Variants in AKAP6 observed in about 807,000 individuals in gnomAD.
AKAP6 encodes the protein A-kinase anchor protein 6.
Under a neutral mutation model 188.5 loss-of-function variants are expected in AKAP6, and 58 were observed. The ratio of observed to expected loss-of-function variants is 0.31; its 90% CI spans 0.25 to 0.38. AKAP6 has a LOEUF of 0.38. AKAP6 is among the 10% of genes least tolerant of loss of function. The pLI is 1.00. For missense variants in AKAP6, 2,710 were observed against 2,740.0 expected, an observed-to-expected ratio of 0.99 and a Z score of 0.24; for synonymous variants, 989 against 998.6, an observed-to-expected ratio of 0.99 and a Z score of 0.18.
intron 7 of AKAP6, among the ~76,000 whole-genome samples, chr14:32,649,551 T>G (rs1001710197): frequency 1.1e-4 from 16 of 152,196 alleles, no homozygotes; most frequent in Non-Finnish European, 1.2e-4. Flanking sequence ...CAATGTAATT[T>G]TGTTGTTATT....
chr14:32,575,636 A>G (rs1334239801), intron 4 of AKAP6, among the ~76,000 whole-genome samples: 1 of 152,186 alleles, frequency 6.6e-6, no homozygotes, highest in African/African-American at 2.4e-5. Flanking sequence ...TAGATTTTTG[A>G]AAGAATATAA....
rs554702081 is a variant in AKAP6, at chr14:32,509,039, G to A, written c.325-26515G>A. ...GAGTTTCACCATGTTGGCCAGGATG[G>A]TCTTGATCTCTTGACCTTGTGATCC... On this transcript the variant is annotated intron_variant, in intron 2 of 13. Transcript: ENST00000280979. Among the ~76,000 whole-genome samples the A allele has an allele frequency of 4.6e-5, 7 of 150,960 alleles. No homozygotes were observed. The South Asian group carries it at 1.3e-3, about 27-fold the overall frequency.
intron 1 of AKAP6, among the ~76,000 whole-genome samples, chr14:32,351,682 G>T (rs1887276243): frequency 6.6e-6 from 1 of 152,096 alleles, no homozygotes; most frequent in African/African-American, 2.4e-5. Context: ...AATTATGAAA[G>T]ATGTTGCTGG....
intron 8 of AKAP6, among the ~76,000 whole-genome samples, chr14:32,682,274 T>G (rs1302490769): frequency 6.6e-6 from 1 of 152,218 alleles, no homozygotes; most frequent in Non-Finnish European, 1.5e-5. Context: ...GTCTCTGCCT[T>G]CATTGAATTT....
intron 2 of AKAP6, among the ~76,000 whole-genome samples, chr14:32,532,334 G>A (rs1195650234): frequency 1.3e-5 from 2 of 152,132 alleles, no homozygotes; most frequent in Admixed American, 6.6e-5. Flanking sequence ...CCCCTTAGGG[G>A]TCCATCTGCT....
intron 7 of AKAP6, among the ~76,000 whole-genome samples, chr14:32,618,671 C>G (rs1488711404): frequency 2.6e-5 from 4 of 152,114 alleles, no homozygotes; most frequent in Admixed American, 2.0e-4. Context: ...ATGCAGCTGT[C>G]TTTTTGATAT....
intron 13 of AKAP6, among the ~76,000 whole-genome samples, chr14:32,829,632 AT>A (rs1271750084): frequency 1.3e-5 from 2 of 151,588 alleles, no homozygotes; most frequent in Non-Finnish European, 2.9e-5. Context: ...AAAAAAAAAA[AT>A]CAATGTATTT....
At chr14:32,670,842 A>G (rs1363973822) in intron 7 of AKAP6, among the ~76,000 whole-genome samples, 1 of 152,196 alleles carries the variant, frequency 6.6e-6, no homozygotes, top group Non-Finnish European at 1.5e-5. Context: ...CAATTTTTAA[A>G]ATGAAGCTGA....
At chr14:32,504,704 C>G (rs1027894358) in intron 2 of AKAP6, among the ~76,000 whole-genome samples, 2 of 152,178 alleles carry the variant, frequency 1.3e-5, no homozygotes, top group African/African-American at 4.8e-5. Context: ...GGTAGGCTTA[C>G]CTTTTTCTTC....
At chr14:32,354,919 A>T (rs993670506) in intron 1 of AKAP6, among the ~76,000 whole-genome samples, 13 of 152,172 alleles carry the variant, frequency 8.5e-5, no homozygotes, top group Admixed American at 8.5e-4. Context: ...ACTAACTGTC[A>T]GTTCAGTTCA....
At chr14:32,365,844 C>T (rs1259149201) in intron 1 of AKAP6, among the ~76,000 whole-genome samples, 3 of 152,130 alleles carry the variant, frequency 2.0e-5, no homozygotes, top group Non-Finnish European at 4.4e-5. Context: ...CCTGGCTGGC[C>T]CAGACTTGCT....
At chr14:32,766,086 C>T (rs954001079) in intron 11 of AKAP6, among the ~76,000 whole-genome samples, 5 of 152,114 alleles carry the variant, frequency 3.3e-5, no homozygotes, top group African/African-American at 7.2e-5. Flanking sequence ...CTATTCTGGA[C>T]ATTTCATATA....
chr14:32,572,436 A>G (rs1884534272), intron 4 of AKAP6, among the ~76,000 whole-genome samples: 1 of 152,188 alleles, frequency 6.6e-6, no homozygotes, highest in South Asian at 2.1e-4. Flanking sequence ...GTTTTCCATT[A>G]TGTGGCTGTT....
chr14:32,570,872 C>A (rs1419758321), intron 4 of AKAP6, among the ~76,000 whole-genome samples: 1 of 152,168 alleles, frequency 6.6e-6, no homozygotes, highest in African/African-American at 2.4e-5. Context: ...TCTTCTGATT[C>A]CTGCAAGTGT....
In AKAP6 at chr14:32,575,536, C is replaced by A. The variant is rs573742365; in HGVS notation, c.2347-1584C>A. Among the ~76,000 whole-genome samples the A allele has an allele frequency of 9.2e-5, 14 of 152,110 alleles. No individual in the cohort carries two copies. In the South Asian group the frequency reaches 2.9e-3, roughly 32 times the overall value. On this transcript the variant is annotated intron_variant, in intron 4 of 13. Coordinates refer to ENST00000280979, the MANE Select transcript of AKAP6 (RefSeq NM_004274.5). The stretch of plus-strand genomic sequence containing the variant: ...AACTACCATATAGTTCCCAGCTCAG[C>A]CAATTGCAATTGTGTAGGTCTCAGT...
chr14:32,552,128 C>G (rs1030308058), intron 4 of AKAP6, among the ~76,000 whole-genome samples: 4 of 152,158 alleles, frequency 2.6e-5, no homozygotes, highest in African/African-American at 9.7e-5. Context: ...ACAGTAATTG[C>G]TCGATAAAGA....
chr14:32,790,230 C>A (rs911897397), intron 12 of AKAP6, among the ~76,000 whole-genome samples: 8 of 152,098 alleles, frequency 5.3e-5, no homozygotes, highest in Non-Finnish European at 1.0e-4. Context: ...TGTAAAGAGA[C>A]TGAATCTACA....
intron 1 of AKAP6, among the ~76,000 whole-genome samples, chr14:32,400,778 A>C (rs1594578635): frequency 6.6e-6 from 1 of 151,218 alleles, no homozygotes; most frequent in African/African-American, 2.5e-5. Context: ...TTATTAAAAC[A>C]CAGATTGCTC....
At chr14:32,656,429 CCTT>C (rs1192484928) in intron 7 of AKAP6, among the ~76,000 whole-genome samples, 1 of 152,132 alleles carries the variant, frequency 6.6e-6, no homozygotes, top group Non-Finnish European at 1.5e-5. Context: ...TGGTTTCTCT[CCTT>C]CTTAGCAGTT....
Sources: allele counts gnomAD v4.1 joint callset (sites outside exome capture counted in the v4.1 genomes callset), GRCh38; gene constraint gnomAD v4.1.1; transcripts MANE v1.5; gene names NCBI Gene and HGNC (gene_info 2026-07-23, HGNC 2026-07-21).